The following ARHGAP24 variants were observed in gnomAD, a reference collection of about 807,000 sequenced individuals.
ARHGAP24 encodes Rho GTPase activating protein 24, also known as rho GTPase-activating protein 24.
In ARHGAP24, 50 loss-of-function variants were observed where a neutral mutation model predicts 76.4. The observed-to-expected ratio is 0.65, with a 90% CI of 0.52 to 0.83. ARHGAP24 has a LOEUF of 0.83. Ranked by LOEUF, ARHGAP24 falls within the 40% of genes least tolerant of loss-of-function variation. The pLI, the probability that ARHGAP24 is intolerant of heterozygous loss-of-function variation, is 0.00. For synonymous variants in ARHGAP24, 345 were observed against 323.3 expected, an observed-to-expected ratio of 1.07 and a Z score of -0.72; for missense variants, 930 against 914.2, an observed-to-expected ratio of 1.02 and a Z score of -0.22.
chr4:85,955,778 A>G (rs914691482), intron 5 of ARHGAP24, among the ~76,000 whole-genome samples: 2 of 152,202 alleles, frequency 1.3e-5, no homozygotes, highest in Admixed American at 6.5e-5. Flanking sequence ...TCACACCATT[A>G]CTGGGAGCAA....
At chr4:85,854,580 A>G (rs1447799041) in intron 3 of ARHGAP24, among the ~76,000 whole-genome samples, 1 of 152,240 alleles carries the variant, frequency 6.6e-6, no homozygotes, top group Non-Finnish European at 1.5e-5. Context: ...CCAAAATTTT[A>G]TAAACCTATC....
intron 4 of ARHGAP24, among the ~76,000 whole-genome samples, chr4:85,927,092 CCAT>C (rs1476726254): frequency 6.6e-6 from 1 of 152,054 alleles, no homozygotes; most frequent in Non-Finnish European, 1.5e-5. Context: ...ACCCAAATGT[CCAT>C]CAACAGATGA....
At chr4:85,946,987 A>G (rs1042353196) in intron 5 of ARHGAP24, among the ~76,000 whole-genome samples, 1 of 152,056 alleles carries the variant, frequency 6.6e-6, no homozygotes, top group African/African-American at 2.4e-5. Flanking sequence ...GGCCTCACCA[A>G]CATCTGTTAT....
At chr4:85,601,076 T>C (rs1720011783) in intron 2 of ARHGAP24, among the ~76,000 whole-genome samples, 1 of 152,208 alleles carries the variant, frequency 6.6e-6, no homozygotes, top group African/African-American at 2.4e-5. Context: ...ACTTTATTCA[T>C]TTTTGATTAA....
At chr4:85,580,194 A>G (rs62315648) in intron 2 of ARHGAP24, among the ~76,000 whole-genome samples, 48,950 of 151,586 alleles carry the variant, frequency 0.32, 9,028 homozygotes, top group East Asian at 0.85. Flanking sequence ...CAGAGAAACC[A>G]TGAGCTGGAT....
intron 2 of ARHGAP24, among the ~76,000 whole-genome samples, chr4:85,663,116 C>T (rs1578120965): frequency 2.0e-5 from 3 of 151,750 alleles, no homozygotes; most frequent in African/African-American, 7.3e-5. Flanking sequence ...GGCAGTGTGG[C>T]CATTTTCACG....
chr4:85,930,204 G>T, intron 4 of ARHGAP24: 5 of 972,160 alleles, frequency 5.1e-6, no homozygotes, highest in Non-Finnish European at 6.1e-6. Context: ...CTGCAAAGCT[G>T]CCTCCCCCCA....
intron 2 of ARHGAP24, among the ~76,000 whole-genome samples, chr4:85,671,640 C>T (rs1047955192): frequency 6.6e-6 from 1 of 152,094 alleles, no homozygotes; most frequent in South Asian, 2.1e-4. Flanking sequence ...GAATATGCTT[C>T]TTTTTCTTCT....
intron 1 of ARHGAP24, among the ~76,000 whole-genome samples, chr4:85,556,413 C>G (rs898995566): frequency 6.6e-6 from 1 of 152,022 alleles, no homozygotes; most frequent in African/African-American, 2.4e-5. Flanking sequence ...TGTGGGAGCT[C>G]GCTGGAAAGA....
At chr4:85,960,296 C>T (rs1383638337) in intron 5 of ARHGAP24, among the ~76,000 whole-genome samples, 2 of 151,938 alleles carry the variant, frequency 1.3e-5, no homozygotes, top group East Asian at 3.9e-4. Flanking sequence ...TTTGATAATC[C>T]GTGTTAAGGA....
chr4:85,649,022 T>C (rs1366199511), intron 2 of ARHGAP24, among the ~76,000 whole-genome samples: 1 of 151,824 alleles, frequency 6.6e-6, no homozygotes, highest in Non-Finnish European at 1.5e-5. Flanking sequence ...TGTGTGTGTG[T>C]GTGTGTGTGT....
intron 2 of ARHGAP24, among the ~76,000 whole-genome samples, chr4:85,669,976 T>A (rs1722769764): frequency 6.6e-6 from 1 of 151,944 alleles, no homozygotes; most frequent in Admixed American, 6.6e-5. Context: ...GCACTGATCC[T>A]CAGAAGGAGA....
rs58992149 is a variant in ARHGAP24, at chr4:85,685,805, G to A, written c.181-36080G>A. 4.3e-3 allele frequency among the ~76,000 whole-genome samples: 655 copies of A among 152,246 alleles called. 7 individuals are homozygous for A. Among genetic ancestry groups the A allele is most frequent in the East Asian group, 0.041 (211 of 5,186 alleles). ...ATAGCAAACTATCCCAAAACTCAGC[G>A]GTTTAAAACAACAACCATTGTATTA... On this transcript the variant is annotated intron_variant, in intron 2 of 9. Coordinates refer to ENST00000395184, the MANE Select transcript of ARHGAP24 (RefSeq NM_001025616.3).
intron 6 of ARHGAP24, among the ~76,000 whole-genome samples, chr4:85,973,891 G>A (rs1410250660): frequency 7.8e-6 from 1 of 127,572 alleles, no homozygotes; most frequent in Non-Finnish European, 1.6e-5. Context: ...GGCCCAAGCT[G>A]GAGTGCAGTG....
intron 3 of ARHGAP24, among the ~76,000 whole-genome samples, chr4:85,839,652 T>C (rs1285107574): frequency 1.3e-5 from 2 of 151,914 alleles, no homozygotes; most frequent in Non-Finnish European, 2.9e-5. Flanking sequence ...CATTTCACTA[T>C]GTTGGCCAGG....
chr4:85,985,653 ACT>A (rs1397359563), intron 8 of ARHGAP24, among the ~76,000 whole-genome samples: 1 of 152,096 alleles, frequency 6.6e-6, no homozygotes. Flanking sequence ...AAGAAAAGTA[ACT>A]CTGGTAGCTC....
At chr4:85,929,046 G>A (rs572852199) in intron 4 of ARHGAP24, among the ~76,000 whole-genome samples, 1 of 152,248 alleles carries the variant, frequency 6.6e-6, no homozygotes, top group East Asian at 1.9e-4. Context: ...TGTGAAATAA[G>A]AAAATTAGAA....
chr4:85,669,107 G>A (rs1560577758), intron 2 of ARHGAP24, among the ~76,000 whole-genome samples: 1 of 152,104 alleles, frequency 6.6e-6, no homozygotes, highest in Non-Finnish European at 1.5e-5. Context: ...TCAGCTTTTA[G>A]CACAGTGACC....
chr4:85,689,507 C>T (rs1042033044), intron 2 of ARHGAP24, among the ~76,000 whole-genome samples: 1 of 152,128 alleles, frequency 6.6e-6, no homozygotes, highest in Admixed American at 6.5e-5. Flanking sequence ...GGTCCTTAGC[C>T]TCCCAAGTAG....
Sources: gnomAD v4.1 joint callset for allele counts (sites outside exome capture counted in the v4.1 genomes callset) on GRCh38, gnomAD v4.1.1 for gene constraint, MANE v1.5 for transcripts, NCBI Gene and HGNC (gene_info 2026-07-23, HGNC 2026-07-21) for gene names.